The following MORC3 variants were observed in gnomAD, a reference collection of about 807,000 sequenced individuals.
MORC3 encodes the protein MORC family CW-type zinc finger protein 3.
In MORC3, 31 loss-of-function variants were observed where a neutral mutation model predicts 109.1. The observed-to-expected ratio is 0.28, with a 90% CI of 0.21 to 0.38. The LOEUF (loss-of-function observed/expected upper bound fraction) is 0.38, where lower values mean the gene tolerates loss of function less well. Among genes scored for constraint, MORC3 ranks in the 10% least tolerant of loss-of-function variants. The pLI, the probability that MORC3 is intolerant of heterozygous loss-of-function variation, is 1.00. For missense variants in MORC3, 867 were observed against 1,135.8 expected, an observed-to-expected ratio of 0.76 and a Z score of 3.40; for synonymous variants, 395 against 380.7, an observed-to-expected ratio of 1.04 and a Z score of -0.44.
chr21:36,368,176 C>T (rs1796528167), intron 14 of MORC3, among the ~76,000 whole-genome samples: 1 of 152,084 alleles, frequency 6.6e-6, no homozygotes, highest in African/African-American at 2.4e-5. Flanking sequence ...CATGAATGAA[C>T]AGGGAATGAT....
intron 2 of MORC3, among the ~76,000 whole-genome samples, chr21:36,336,586 T>G (rs2085378612): frequency 6.6e-6 from 1 of 152,226 alleles, no homozygotes; most frequent in Non-Finnish European, 1.5e-5. Flanking sequence ...GTGATTTTTC[T>G]TCCTTTGTAC....
chr21:36,324,941 T>G (rs1024471733), intron 1 of MORC3, among the ~76,000 whole-genome samples: 1 of 151,170 alleles, frequency 6.6e-6, no homozygotes, highest in African/African-American at 2.4e-5. Flanking sequence ...ACTCCTGACC[T>G]CAACTGATCC....
chr21:36,320,299 G>T lies in MORC3; in HGVS notation c.35G>T (p.Ser12Ile). Residue 12 changes from serine (S) to isoleucine (I), a missense_variant, in exon 1 of 17, where the codon AGC becomes ATC. By Grantham distance (142) the Ser-to-Ile change is moderately radical (BLOSUM62 -2). This residue lies in a region of MORC3 where 33 missense variants were observed against 18.5 expected (regional missense o/e 1.78). Coordinates refer to ENST00000400485, the MANE Select transcript of MORC3 (RefSeq NM_015358.3). ...AAQPPRGIRL[S>I]ALCPKFLHTN... ...CAGCCACCCCGCGGGATACGCCTCAGCGCGGTGAGCAGCCGCGAGGGGTGG... is the reference window on the plus strand; with the variant it reads ...CAGCCACCCCGCGGGATACGCCTCATCGCGGTGAGCAGCCGCGAGGGGTGG... The T allele has an allele frequency of 1.3e-6, 2 of 1,557,846 alleles. No individual in the cohort carries two copies. The highest frequency in any genetic ancestry group is 1.7e-6 in the Non-Finnish European group (2 of 1,152,930).
chr21:36,337,294 C>T (rs373494361), intron 3 of MORC3, among the ~76,000 whole-genome samples: 1 of 152,002 alleles, frequency 6.6e-6, no homozygotes, highest in African/African-American at 2.4e-5. Context: ...TAGGTTTAAC[C>T]ATTGTTTGTA....
Position 36,364,149 on chromosome 21 carries a change from T to G in MORC3, c.1509T>G (p.Ser503=). 1 of 1,614,114 alleles carries G rather than the reference T, an allele frequency of 6.2e-7. No homozygotes were observed. Among genetic ancestry groups the G allele is most frequent in the Non-Finnish European group, 8.5e-7 (1 of 1,179,978 alleles). Residue 503 remains serine, a synonymous_variant, in exon 14 of 17, where the codon TCT becomes TCG. Transcript: ENST00000400485. ...PTALSTPSFS[S]PKESVPRRHL... ...CTCTTTCAACTCCAAGCTTTTCTTC[T>G]CCTAAGGAAAGTGTTCCAAGAAGAC...
intron 15 of MORC3, 90 bp downstream of exon 15, chr21:36,369,966 C>A: frequency 6.9e-7 from 1 of 1,451,772 alleles, no homozygotes; most frequent in Non-Finnish European, 9.3e-7. Flanking sequence ...GTGGCTCATA[C>A]CTGTAATCCC....
intron 14 of MORC3, among the ~76,000 whole-genome samples, chr21:36,365,896 A>G (rs1400293399): frequency 2.6e-5 from 4 of 151,988 alleles, no homozygotes; most frequent in African/African-American, 9.7e-5. Flanking sequence ...TGCTCTTTAT[A>G]ACCTGTGTAT....
rs187511891 is a variant in MORC3 at position 36,351,828 on chromosome 21, G to T, written c.1103+2420G>T. ...TTACCATATGATTGAACAATCACAT[G>T]GCTGGATATATATCTAAAAGAAAGA... is the stretch of plus-strand genomic sequence containing the variant. On this transcript the variant is annotated intron_variant, in intron 9 of 16. Coordinates refer to ENST00000400485, the MANE Select transcript of MORC3 (RefSeq NM_015358.3). Among the ~76,000 whole-genome samples, 27 of 152,232 alleles carry T rather than the reference G, an allele frequency of 1.8e-4. No homozygotes were observed. In the East Asian group the frequency reaches 4.2e-3, roughly 24 times the overall value.
At chr21:36,356,776 T>G in intron 10 of MORC3, 52 bp downstream of exon 10, 3 of 1,190,084 alleles carry the variant, frequency 2.5e-6, no homozygotes, top group Non-Finnish European at 3.6e-6. Flanking sequence ...AGATGTGGTA[T>G]TAGAGAGTAA....
At chr21:36,361,956 A>C (rs924514845) in intron 12 of MORC3, 2 of 582,710 alleles carry the variant, frequency 3.4e-6, no homozygotes, top group African/African-American at 3.8e-5. Flanking sequence ...AGTGGAGAAA[A>C]AAACACCAAA....
chr21:36,350,794 T>C (rs1256143012), intron 9 of MORC3, among the ~76,000 whole-genome samples: 1 of 152,122 alleles, frequency 6.6e-6, no homozygotes, highest in African/African-American at 2.4e-5. Context: ...TCCCACATAC[T>C]AAATTCAGAC....
At chr21:36,346,258 A>T (rs1263109476) in intron 8 of MORC3, among the ~76,000 whole-genome samples, 2 of 152,184 alleles carry the variant, frequency 1.3e-5, no homozygotes, top group African/African-American at 2.4e-5. Flanking sequence ...AACTCAAGTG[A>T]TCCACCCACG....
intron 1 of MORC3, among the ~76,000 whole-genome samples, chr21:36,329,944 C>T (rs998693095): frequency 1.5e-4 from 23 of 151,810 alleles, no homozygotes; most frequent in Non-Finnish European, 2.8e-4. Flanking sequence ...CTCACTGTAA[C>T]CTCCGCCTCC....
intron 5 of MORC3, among the ~76,000 whole-genome samples, chr21:36,339,750 C>A (rs2085419623): frequency 6.6e-6 from 1 of 152,120 alleles, no homozygotes; most frequent in Admixed American, 6.6e-5. Context: ...CTAAGACATA[C>A]TGAATCACAG....
chr21:36,331,451 A>G (rs550041485), intron 1 of MORC3, among the ~76,000 whole-genome samples: 4 of 152,214 alleles, frequency 2.6e-5, no homozygotes, highest in African/African-American at 9.6e-5. Context: ...ACAAAAAATT[A>G]GCTGGGCATG....
chr21:36,357,791 A>C (rs2146325515), intron 10 of MORC3, among the ~76,000 whole-genome samples: 1 of 150,168 alleles, frequency 6.7e-6, no homozygotes, highest in South Asian at 2.1e-4. Flanking sequence ...CCCAGGCTGA[A>C]GTGCAGTGGC....
intron 1 of MORC3, among the ~76,000 whole-genome samples, chr21:36,322,544 G>A (rs979664625): frequency 6.6e-6 from 1 of 151,934 alleles, no homozygotes; most frequent in Non-Finnish European, 1.5e-5. Flanking sequence ...GCTAATTTTG[G>A]TATTTTTAGT....
At chr21:36,328,971 A>G (rs76834480) in intron 1 of MORC3, among the ~76,000 whole-genome samples, 4 of 151,934 alleles carry the variant, frequency 2.6e-5, no homozygotes, top group African/African-American at 4.8e-5. Context: ...AACAAAAAAA[A>G]TCACGAAAGA....
intron 1 of MORC3, chr21:36,320,552 C>T (rs2085179483): frequency 5.9e-6 from 2 of 337,364 alleles, no homozygotes; most frequent in Non-Finnish European, 5.3e-6. Context: ...CGCGGCTCCT[C>T]CTCCCAGCTC....
Sources: gnomAD v4.1 joint callset for allele counts (sites outside exome capture counted in the v4.1 genomes callset) on GRCh38, gnomAD v4.1.1 for gene constraint, gnomAD v4.1.1 regional missense constraint, MANE v1.5 for transcripts, NCBI Gene and HGNC (gene_info 2026-07-23, HGNC 2026-07-21) for gene names.